The following WEE2 variants were observed in gnomAD, a reference collection of about 807,000 sequenced individuals.
WEE2 encodes WEE2 oocyte meiosis inhibiting kinase, also known as wee1-like protein kinase 2.
A neutral mutation model predicts 60.1 loss-of-function variants in WEE2; 50 were observed. That is an observed-to-expected ratio of 0.83 (90% confidence interval 0.66 to 1.05). The LOEUF is 1.05. Ranked by LOEUF, WEE2 falls within the 50% of genes least tolerant of loss-of-function variation. The pLI is 0.00. For missense variants in WEE2, 631 were observed against 684.3 expected (o/e 0.92, Z 0.87); for synonymous variants, 240 against 241.0 (o/e 1.00, Z 0.04).
At chr7:141,722,078 A>C (rs1349417997) in intron 5 of WEE2, among the ~76,000 whole-genome samples, 4 of 152,178 alleles carry the variant, frequency 2.6e-5, no homozygotes, top group African/African-American at 9.6e-5. Context: ...CTGGGTCTCT[A>C]TAATTTGAAG....
At position 141,711,656 on chromosome 7, in the gene WEE2, G is replaced by A. The variant is rs1798712655; in HGVS notation, c.343-2553G>A. 1 of 152,214 alleles carries A rather than the reference G, an allele frequency of 6.6e-6. No individual in the cohort carries two copies. The highest frequency in any genetic ancestry group is 2.1e-4 in the South Asian group (1 of 4,828). The allele number at this position is 152,214 out of a possible 1,614,324, so 9.4% of individuals were successfully genotyped here. A position where few individuals can be genotyped will look rare whatever the true frequency, so the allele number is the denominator to read the frequency against. On this transcript the variant is annotated intron_variant, in intron 1 of 11. Coordinates refer to ENST00000397541, the MANE Select transcript of WEE2 (RefSeq NM_001105558.1). This position sits in a 1 kb window ranked among gnomAD's most constrained non-coding sequence, Gnocchi z 4.2. ...AACACTCATTGATGACCGACCACTTGGTAGAAATACTGCAGAAGGGATTTG... is the reference window on the plus strand; with the variant it reads ...AACACTCATTGATGACCGACCACTTAGTAGAAATACTGCAGAAGGGATTTG...
intron 8 of WEE2, 140 bp downstream of exon 8, chr7:141,724,415 T>C: frequency 2.6e-6 from 2 of 756,158 alleles, no homozygotes; most frequent in Admixed American, 5.9e-5. Context: ...AGACCAAAGA[T>C]AGGAGAGAAA....
Position 141,730,833 on chromosome 7 carries a change from T to A in WEE2, c.*513T>A, listed in dbSNP as rs2117131193. 6.6e-6 allele frequency: 1 copy of A among 152,592 alleles called. No homozygotes were observed. Among genetic ancestry groups the A allele is most frequent in the South Asian group, 2.1e-4 (1 of 4,838 alleles). 9.5% of individuals were successfully genotyped at this position (152,592 alleles called of 1,614,324 possible). A position where few individuals can be genotyped will look rare whatever the true frequency, so the allele number is the denominator to read the frequency against. On this transcript the variant is annotated 3_prime_UTR_variant, in exon 12 of 12. Transcript: ENST00000397541. ...AGAATTTGGCTTTGTTTCCTGTTTT[T>A]TAAAATCATATTTTATCTAAATCCT...
At chr7:141,715,009 T>C (rs1055910593) in intron 2 of WEE2, among the ~76,000 whole-genome samples, 2 of 152,214 alleles carry the variant, frequency 1.3e-5, no homozygotes, top group Non-Finnish European at 2.9e-5. Flanking sequence ...TTTTATAGAA[T>C]GGAATCGCCT....
Position 141,725,127 on chromosome 7 carries a change from C to T in WEE2, c.1323C>T (p.His441=). The T allele has an allele frequency of 2.5e-6, 4 of 1,614,186 alleles. No individual in the cohort carries two copies. The highest frequency in any genetic ancestry group is 3.4e-6 in the Non-Finnish European group (4 of 1,180,028). The part of the protein sequence containing the change: ...ESLPTNGAAW[H]HIRKGNFPDV... Reference sequence around the variant, plus strand: ...TGCCCACCAATGGTGCTGCATGGCACCATATCCGCAAGGGTAACTTTCCGG... The same window carrying T: ...TGCCCACCAATGGTGCTGCATGGCATCATATCCGCAAGGGTAACTTTCCGG... The change falls in exon 9 of 12, where the codon CAC becomes CAT. Residue 441 remains histidine, a synonymous_variant. Transcript: ENST00000397541.
chr7:141,730,202 C>T lies in WEE2; in HGVS notation c.1679-93C>T, dbSNP rs148686074. The T allele has an allele frequency of 4.8e-4, 578 of 1,201,944 alleles. 7 individuals carry two copies. The African/African-American group carries it at 7.9e-3, about 16-fold the overall frequency. 74.5% of individuals were successfully genotyped at this position (1,201,944 alleles called of 1,614,324 possible). On this transcript the variant is annotated intron_variant, in intron 11 of 11. Transcript: ENST00000397541. ...GCTTTGTCTTCTCAAGGGTCCCAGACACAATAATTGGAAGCCATTTCTCTT... is the reference window on the plus strand; with the variant it reads ...GCTTTGTCTTCTCAAGGGTCCCAGATACAATAATTGGAAGCCATTTCTCTT...
intron 1 of WEE2, among the ~76,000 whole-genome samples, chr7:141,713,969 G>A (rs1324779578): frequency 6.6e-6 from 1 of 152,170 alleles, no homozygotes; most frequent in Non-Finnish European, 1.5e-5. Flanking sequence ...AGGGGTTGGA[G>A]CTTGACTAAA....
Position 141,716,206 on chromosome 7 carries a change from T to G in WEE2, c.540-16T>G, listed in dbSNP as rs768010332. ...TATTAATTATATATTGATAAACTTTTTTTTTCTTTTTTAAGTGAGGAAGCT... is the reference window on the plus strand; with the variant it reads ...TATTAATTATATATTGATAAACTTTGTTTTTCTTTTTTAAGTGAGGAAGCT... On this transcript the variant is annotated splice_polypyrimidine_tract_variant and intron_variant, in intron 2 of 11. Coordinates refer to ENST00000397541, the MANE Select transcript of WEE2 (RefSeq NM_001105558.1). The G allele has an allele frequency of 8.6e-5, 138 of 1,608,384 alleles. No homozygotes were observed. Among genetic ancestry groups the G allele is most frequent in the Admixed American group, 1.8e-4 (11 of 59,758 alleles).
In WEE2 at chr7:141,719,262, G is replaced by T; in HGVS notation, c.758+18G>T. 6.4e-7 allele frequency: 1 copy of T among 1,558,580 alleles called. No individual in the cohort carries two copies. The highest frequency in any genetic ancestry group is 1.2e-5 in the South Asian group (1 of 82,586). ...TCAAATGAGTGAGTACCTTTGAAATGCACTAAAAATATAAACTTAGATTTG... is the reference window on the plus strand; with the variant it reads ...TCAAATGAGTGAGTACCTTTGAAATTCACTAAAAATATAAACTTAGATTTG... On this transcript the variant is annotated intron_variant, in intron 4 of 11. Transcript: ENST00000397541.
rs1317080952 is a variant in WEE2, at chr7:141,721,023, G to T, written c.847G>T (p.Asp283Tyr). 1.2e-6 allele frequency: 2 copies of T among 1,614,160 alleles called. No individual in the cohort carries two copies. The highest frequency in any genetic ancestry group is 1.7e-5 in the Admixed American group (1 of 60,026). ...VRYYSSWAED[D>Y]HMIIQNEYCN... Reference sequence around the variant, plus strand: ...TTACTATTCCTCATGGGCAGAAGATGACCACATGATCATTCAGAATGAATA... The same window carrying T: ...TTACTATTCCTCATGGGCAGAAGATTACCACATGATCATTCAGAATGAATA... The change falls in exon 5 of 12, where the codon GAC (aspartate) becomes TAC (tyrosine). Residue 283 changes from aspartate to tyrosine, a missense_variant. Transcript: ENST00000397541.
chr7:141,722,188 G>A (rs1177821409), intron 5 of WEE2, among the ~76,000 whole-genome samples: 1 of 152,094 alleles, frequency 6.6e-6, no homozygotes, highest in Non-Finnish European at 1.5e-5. Context: ...GGCAGATCAC[G>A]AGGTCAGAAG....
rs765097753 is a variant in WEE2 at position 141,729,614 on chromosome 7, G to C, written c.1619G>C (p.Gly540Ala). ...ACTGGGGTCTCTGGGACCCACACAG[G>C]ATCAAGAAGCACAAAACGCCTGGTG... The part of the protein sequence containing the change: ...GDTGVSGTHT[G>A]SRSTKRLVGG... Residue 540 changes from glycine to alanine, a missense_variant, in exon 11 of 12, where the codon GGA becomes GCA. Coordinates refer to ENST00000397541, the MANE Select transcript of WEE2 (RefSeq NM_001105558.1). 1.2e-6 allele frequency: 2 copies of C among 1,614,064 alleles called. No homozygotes were observed. Among genetic ancestry groups the C allele is most frequent in the Admixed American group, 3.3e-5 (2 of 60,026 alleles).
rs1798963893 is a variant in WEE2 at position 141,723,834 on chromosome 7, C to T, written c.1028-107C>T. ...AAAACCTTAGTAGTCTATGTCCACACAAAAGAAGAAAGGAGAGAAGCTGAA... is the reference window on the plus strand; with the variant it reads ...AAAACCTTAGTAGTCTATGTCCACATAAAAGAAGAAAGGAGAGAAGCTGAA... On this transcript the variant is annotated intron_variant, in intron 6 of 11. Coordinates refer to ENST00000397541, the MANE Select transcript of WEE2 (RefSeq NM_001105558.1). The T allele has an allele frequency of 4.0e-6, 3 of 747,298 alleles. No homozygotes were observed. In the East Asian group the frequency reaches 8.3e-5, roughly 21 times the overall value. 46.3% of individuals were successfully genotyped at this position (747,298 alleles called of 1,614,324 possible). A position where few individuals can be genotyped will look rare whatever the true frequency, so the allele number is the denominator to read the frequency against.
intron 6 of WEE2, among the ~76,000 whole-genome samples, 182 bp downstream of exon 6, chr7:141,723,462 G>C (rs953989337): frequency 5.3e-5 from 8 of 151,786 alleles, no homozygotes; most frequent in Admixed American, 1.3e-4. Flanking sequence ...AGGCCCAACA[G>C]ACATAGAAAA....
chr7:141,725,335 T>C, intron 9 of WEE2, 139 bp downstream of exon 9: 12 of 1,029,000 alleles, frequency 1.2e-5, no homozygotes, highest in Non-Finnish European at 1.6e-5. Flanking sequence ...CCAGAAAAAA[T>C]AAGGGGCGGG....
intron 2 of WEE2, 50 bp downstream of exon 2, chr7:141,714,455 A>G (rs776206523): frequency 7.6e-7 from 1 of 1,313,570 alleles, no homozygotes; most frequent in East Asian, 2.4e-5. Context: ...TACTACAGTC[A>G]AGTAGTAAGA....
In WEE2 at chr7:141,716,204, T is replaced by A. The variant is rs762257532; in HGVS notation, c.540-18T>A. The A allele has an allele frequency of 6.2e-7, 1 of 1,607,348 alleles. No individual in the cohort carries two copies. The highest frequency in any genetic ancestry group is 8.5e-7 in the Non-Finnish European group (1 of 1,176,966). ...AATATTAATTATATATTGATAAACT[T>A]TTTTTTTCTTTTTTAAGTGAGGAAG... On this transcript the variant is annotated intron_variant, in intron 2 of 11. Coordinates refer to ENST00000397541, the MANE Select transcript of WEE2 (RefSeq NM_001105558.1).
chr7:141,725,602 G>A (rs1289970557), intron 9 of WEE2, among the ~76,000 whole-genome samples: 2 of 148,452 alleles, frequency 1.3e-5, no homozygotes, highest in African/African-American at 5.1e-5. Context: ...TCCAGCCTGG[G>A]CGACAGAGCG....
intron 9 of WEE2, 193 bp from the exon 10 acceptor site, chr7:141,727,111 A>C: frequency 1.8e-6 from 1 of 553,910 alleles, no homozygotes; most frequent in African/African-American, 1.9e-5. Context: ...AGGTGTGGAC[A>C]ACTGGTGCTA....
Sources: gnomAD v4.1 joint callset for allele counts (sites outside exome capture counted in the v4.1 genomes callset) on GRCh38, gnomAD v4.1.1 for gene constraint, Gnocchi (gnomAD v3.1) non-coding constraint, MANE v1.5 for transcripts, NCBI Gene and HGNC (gene_info 2026-07-23, HGNC 2026-07-21) for gene names.